Variants in GLCCI1 observed in about 807,000 individuals in gnomAD.
GLCCI1 encodes the protein glucocorticoid-induced transcript 1 protein.
Under a neutral mutation model 52.2 loss-of-function variants are expected in GLCCI1, and 24 were observed. That is an observed-to-expected ratio of 0.46 (90% CI 0.33 to 0.65). GLCCI1 has a LOEUF of 0.65. GLCCI1 is among the 30% of genes least tolerant of loss of function. The probability of loss-of-function intolerance (pLI) is 0.02; values close to 1 mark genes in which losing one functional copy is unlikely to be tolerated. For missense variants in GLCCI1, 704 were observed against 701.5 expected, an observed-to-expected ratio of 1.00 and a Z score of -0.04; for synonymous variants, 310 against 276.5, an observed-to-expected ratio of 1.12 and a Z score of -1.20.
At chr7:8,017,742 A>G (rs918034047) in intron 2 of GLCCI1, among the ~76,000 whole-genome samples, 12 of 152,152 alleles carry the variant, frequency 7.9e-5, no homozygotes, top group African/African-American at 2.9e-4. Context: ...TAACTTCCAC[A>G]GTGTTTTGTT....
At chr7:7,984,763 A>T (rs1780689860) in intron 1 of GLCCI1, among the ~76,000 whole-genome samples, 1 of 152,218 alleles carries the variant, frequency 6.6e-6, no homozygotes, top group Admixed American at 6.5e-5. Context: ...ATCCTAAGAA[A>T]CTATTATAAA....
chr7:7,981,053 A>G, intron 1 of GLCCI1: 1 of 479,482 alleles, frequency 2.1e-6, no homozygotes, highest in East Asian at 5.5e-5. Flanking sequence ...GCTAAAACTC[A>G]GGCTTTACTT....
chr7:7,989,021 A>G (rs1780789365), intron 1 of GLCCI1, among the ~76,000 whole-genome samples: 1 of 152,082 alleles, frequency 6.6e-6, no homozygotes. Flanking sequence ...CTAGTAAAGG[A>G]CTCTGACCAA....
chr7:7,995,026 TTGTGTATGTC>T (rs1378999639), intron 1 of GLCCI1, among the ~76,000 whole-genome samples: 1 of 152,196 alleles, frequency 6.6e-6, no homozygotes, highest in African/African-American at 2.4e-5. Context: ...TGTTTGTGTT[TTGTGTATGTC>T]TGTGTATTTC....
intron 3 of GLCCI1, among the ~76,000 whole-genome samples, chr7:8,050,020 A>C (rs1384875387): frequency 1.3e-5 from 2 of 152,226 alleles, no homozygotes; most frequent in African/African-American, 4.8e-5. Context: ...ATTAAAACTT[A>C]TATGTATAAA....
At chr7:8,082,371 T>C (rs561957222) in intron 6 of GLCCI1, among the ~76,000 whole-genome samples, 2 of 152,294 alleles carry the variant, frequency 1.3e-5, no homozygotes, top group African/African-American at 4.8e-5. Context: ...TTTAATTATA[T>C]AGAAATCCAG....
intron 2 of GLCCI1, among the ~76,000 whole-genome samples, chr7:8,004,432 A>T (rs1040218580): frequency 2.0e-5 from 3 of 152,208 alleles, no homozygotes; most frequent in Non-Finnish European, 4.4e-5. Context: ...CAAATGCCTA[A>T]TGAAATCTAT....
intron 1 of GLCCI1, among the ~76,000 whole-genome samples, chr7:7,989,054 C>T (rs1167553478): frequency 6.6e-6 from 1 of 152,060 alleles, no homozygotes; most frequent in African/African-American, 2.4e-5. Flanking sequence ...ATGGTAGAGC[C>T]ATGAGATGAA....
chr7:8,068,638 T>A (rs1782686084), intron 5 of GLCCI1, among the ~76,000 whole-genome samples: 1 of 152,108 alleles, frequency 6.6e-6, no homozygotes, highest in East Asian at 1.9e-4. Context: ...TTCTGTCATT[T>A]CAGCCATTCC....
At chr7:8,033,315 CAG>C (rs1162134616) in intron 3 of GLCCI1, among the ~76,000 whole-genome samples, 1 of 151,822 alleles carries the variant, frequency 6.6e-6, no homozygotes, top group Non-Finnish European at 1.5e-5. Context: ...AATGATAAAA[CAG>C]AATGCTTTTC....
At chr7:7,980,520 C>T in intron 1 of GLCCI1, 3 of 414,430 alleles carry the variant, frequency 7.2e-6, no homozygotes, top group Non-Finnish European at 1.3e-5. Context: ...GCCTTATTCA[C>T]AGTATACAAA....
rs544049322 is a variant in GLCCI1 at position 7,991,651 on chromosome 7, G to A, written c.458-12257G>A. ...TGGTTATTCTCTTTGTTCTGTAAGA[G>A]GCCCTTCTAGATTTACCCCATTGCA... On this transcript the variant is annotated intron_variant, in intron 1 of 7. Transcript: ENST00000223145. Among the ~76,000 whole-genome samples, 33 of 152,102 alleles carry A rather than the reference G, an allele frequency of 2.2e-4. 1 individual carries two copies. The South Asian group carries it at 6.2e-3, about 29-fold the overall frequency.
Position 8,086,202 on chromosome 7 carries a change from G to T in GLCCI1, c.1308G>T (p.Gln436His), listed in dbSNP as rs770397537. 6.2e-7 allele frequency: 1 copy of T among 1,611,406 alleles called. No homozygotes were observed. Among genetic ancestry groups the T allele is most frequent in the South Asian group, 1.1e-5 (1 of 90,582 alleles). ...TGTTTTATGGTTTTAGGTCTCGTCA[G>T]CCTATCTCGGCCCCTCTCTTTTCAT... ...VKVFEEMASR[Q>H]PISAPLFSCP... is the part of the protein sequence containing the mutation. Residue 436 changes from glutamine to histidine, a missense_variant, in exon 8 of 8, where the codon CAG (glutamine) becomes CAT (histidine). Physicochemically the swap from Gln to His is conservative, Grantham distance 24 (BLOSUM62 0). Transcript: ENST00000223145. The surrounding 1 kb of genome is among the most constrained non-coding windows in gnomAD (Gnocchi z 4.4).
intron 1 of GLCCI1, among the ~76,000 whole-genome samples, chr7:7,978,434 A>G (rs1780540792): frequency 1.3e-5 from 2 of 152,182 alleles, no homozygotes; most frequent in Admixed American, 6.5e-5. Flanking sequence ...AATTATTTAT[A>G]TGTACTTGGC....
At position 8,007,298 on chromosome 7, in the gene GLCCI1, T is replaced by C. The variant is rs200705452; in HGVS notation, c.609+3239T>C. Among the ~76,000 whole-genome samples, 7 of 152,358 alleles carry C rather than the reference T, an allele frequency of 4.6e-5. No individual in the cohort carries two copies. In the East Asian group the frequency reaches 5.8e-4, roughly 13 times the overall value. On this transcript the variant is annotated intron_variant, in intron 2 of 7. Coordinates refer to ENST00000223145, the MANE Select transcript of GLCCI1 (RefSeq NM_138426.4). ...ATCATTACATAGCTGTACATTAATA[T>C]GTACTACATACATATTACATCGTTA...
At chr7:7,993,223 CATG>C (rs1450725031) in intron 1 of GLCCI1, among the ~76,000 whole-genome samples, 2 of 151,922 alleles carry the variant, frequency 1.3e-5, no homozygotes, top group African/African-American at 4.8e-5. Context: ...GTGGATAGTT[CATG>C]ATACCATTTC....
intron 1 of GLCCI1, among the ~76,000 whole-genome samples, chr7:7,993,347 T>A (rs37999): frequency 0.42 from 63,777 of 151,988 alleles, 13,701 homozygotes; most frequent in Middle Eastern, 0.52. Context: ...TTTCTCAACC[T>A]TCTCTTTTCT....
chr7:7,999,519 A>T (rs1403244181), intron 1 of GLCCI1, among the ~76,000 whole-genome samples: 1 of 152,110 alleles, frequency 6.6e-6, no homozygotes, highest in African/African-American at 2.4e-5. Context: ...ACGTGGGAGG[A>T]TAGCTTGAGC....
intron 1 of GLCCI1, among the ~76,000 whole-genome samples, chr7:7,993,736 T>C (rs1056366756): frequency 6.6e-6 from 1 of 151,984 alleles, no homozygotes; most frequent in Non-Finnish European, 1.5e-5. Context: ...TTTGTGACTT[T>C]ATTATGTTGT....
Sources: gnomAD v4.1 joint callset for allele counts (sites outside exome capture counted in the v4.1 genomes callset) on GRCh38, gnomAD v4.1.1 for gene constraint, Gnocchi (gnomAD v3.1) non-coding constraint, MANE v1.5 for transcripts, NCBI Gene and HGNC (gene_info 2026-07-23, HGNC 2026-07-21) for gene names.